Variants in WDFY2 observed in about 807,000 individuals in gnomAD.
WDFY2 encodes WD repeat and FYVE domain-containing protein 2.
WDFY2 carries 36 observed loss-of-function variants against 56.4 expected under a neutral mutation model. That is an observed-to-expected ratio of 0.64 (90% CI 0.49 to 0.84). The LOEUF is 0.84. WDFY2 is among the 40% of genes least tolerant of loss of function. WDFY2 has a pLI of 0.00. For missense variants in WDFY2, 444 were observed against 512.2 expected (o/e 0.87, Z 1.29); for synonymous variants, 176 against 183.7 (o/e 0.96, Z 0.34).
At chr13:51,597,489 C>T (rs1424373664) in intron 1 of WDFY2, among the ~76,000 whole-genome samples, 1 of 152,308 alleles carries the variant, frequency 6.6e-6, no homozygotes, top group South Asian at 2.1e-4. Context: ...GCTATAGTCA[C>T]TATTTTCAGG....
chr13:51,697,632 C>CAAAA (rs200946257), intron 3 of WDFY2, among the ~76,000 whole-genome samples: 1 of 80,140 alleles, frequency 1.2e-5, no homozygotes. Context: ...GATCCTGCCT[C>CAAAA]AAAAAAAAAA....
intron 3 of WDFY2, among the ~76,000 whole-genome samples, chr13:51,700,305 T>G (rs1010920757): frequency 3.9e-5 from 6 of 152,066 alleles, no homozygotes; most frequent in African/African-American, 4.8e-5. Flanking sequence ...GACAGCTGAA[T>G]GGAAAGAAGG....
intron 5 of WDFY2, among the ~76,000 whole-genome samples, chr13:51,725,828 G>T (rs899478543): frequency 8.6e-5 from 13 of 151,842 alleles, no homozygotes; most frequent in African/African-American, 3.1e-4. Flanking sequence ...CATGTAGCTG[G>T]AACCACAGGC....
chr13:51,678,710 G>T (rs58723167), intron 3 of WDFY2, among the ~76,000 whole-genome samples: 7,650 of 152,240 alleles, frequency 0.05, 242 homozygotes, highest in Middle Eastern at 0.085. Context: ...TTCTAACATA[G>T]TGTGGCTTCT....
Position 51,739,035 on chromosome 13 carries a change from G to C in WDFY2, c.599-14G>C. ...TACCTTGTGACTGATGTCTGGTTGT[G>C]TCTGTCCTCTCAGGTGGGGTGACCG... On this transcript the variant is annotated splice_polypyrimidine_tract_variant and intron_variant, in intron 6 of 11. Coordinates refer to ENST00000298125, the MANE Select transcript of WDFY2 (RefSeq NM_052950.4). 3 of 1,565,724 alleles carry C rather than the reference G, an allele frequency of 1.9e-6. No individual in the cohort carries two copies. The highest frequency in any genetic ancestry group is 2.6e-6 in the Non-Finnish European group (3 of 1,155,736).
chr13:51,715,198 T>C (rs903251740), intron 4 of WDFY2, among the ~76,000 whole-genome samples: 7 of 152,286 alleles, frequency 4.6e-5, no homozygotes, highest in African/African-American at 1.4e-4. Context: ...TTAAAAATAT[T>C]TTTTCAATAA....
chr13:51,698,094 C>T (rs1038301790), intron 3 of WDFY2, among the ~76,000 whole-genome samples: 14 of 152,120 alleles, frequency 9.2e-5, no homozygotes, highest in Non-Finnish European at 1.8e-4. Context: ...TTGTCAAGAT[C>T]ATTTAACAAG....
intron 1 of WDFY2, among the ~76,000 whole-genome samples, chr13:51,617,728 T>G (rs984353768): frequency 1.3e-5 from 2 of 152,196 alleles, no homozygotes; most frequent in Non-Finnish European, 2.9e-5. Flanking sequence ...CTTCTGAGAC[T>G]TTAGTAAAAT....
chr13:51,615,345 T>G, intron 1 of WDFY2, among the ~76,000 whole-genome samples: 1 of 151,890 alleles, frequency 6.6e-6, no homozygotes, highest in East Asian at 1.9e-4. Context: ...ATTAAATCAG[T>G]GCAAATTAAA....
chr13:51,603,622 CA>C (rs536607362), intron 1 of WDFY2, among the ~76,000 whole-genome samples: 115 of 152,140 alleles, frequency 7.6e-4, no homozygotes, highest in Non-Finnish European at 1.2e-3. Flanking sequence ...GGGCTGTTGT[CA>C]AGCATTGTCT....
At position 51,766,431 on chromosome 13, in the gene WDFY2, C is replaced by CT. The variant is rs901624908; in HGVS notation, c.*6669dup. The CT allele has an allele frequency of 2.6e-5, 4 of 152,260 alleles. No individual in the cohort carries two copies. The highest frequency in any genetic ancestry group is 6.5e-5 in the Admixed American group (1 of 15,296). The allele number at this position is 152,260 out of a possible 1,614,324, so 9.4% of individuals were successfully genotyped here. A position where few individuals can be genotyped will look rare whatever the true frequency, so the allele number is the denominator to read the frequency against. On this transcript the variant is annotated 3_prime_UTR_variant, in exon 12 of 12. Coordinates refer to ENST00000298125, the MANE Select transcript of WDFY2 (RefSeq NM_052950.4). Reference sequence around the variant, plus strand: ...TTACCGTATGGATATCTTTTTCTTTCTTTTTTTAAAGTGAGGAGATTCTTC... The same window carrying CT: ...TTACCGTATGGATATCTTTTTCTTTCTTTTTTTTAAAGTGAGGAGATTCTTC...
At chr13:51,635,817 C>T (rs970502990) in intron 1 of WDFY2, among the ~76,000 whole-genome samples, 6 of 152,146 alleles carry the variant, frequency 3.9e-5, no homozygotes, top group Admixed American at 2.0e-4. Context: ...AATGAATGCT[C>T]AATATGTTAT....
chr13:51,725,589 T>C (rs919731388), intron 5 of WDFY2, among the ~76,000 whole-genome samples: 1 of 152,212 alleles, frequency 6.6e-6, no homozygotes, highest in Non-Finnish European at 1.5e-5. Context: ...ACCAATTTGA[T>C]AGGTTCATTC....
intron 3 of WDFY2, among the ~76,000 whole-genome samples, chr13:51,685,211 C>T (rs1956040915): frequency 6.6e-6 from 1 of 152,208 alleles, no homozygotes; most frequent in Non-Finnish European, 1.5e-5. Context: ...AGTTGAAAGA[C>T]TCTTTGTAAG....
chr13:51,687,921 C>T (rs962534279), intron 3 of WDFY2, among the ~76,000 whole-genome samples: 2 of 151,890 alleles, frequency 1.3e-5, no homozygotes, highest in African/African-American at 2.4e-5. Flanking sequence ...AAAATGATGA[C>T]GGCTGGGGAA....
intron 4 of WDFY2, among the ~76,000 whole-genome samples, chr13:51,712,238 A>T (rs1053147449): frequency 6.6e-6 from 1 of 152,198 alleles, no homozygotes; most frequent in Non-Finnish European, 1.5e-5. Flanking sequence ...ATAGGTGGGA[A>T]TTGAACAATG....
intron 1 of WDFY2, among the ~76,000 whole-genome samples, chr13:51,641,245 A>G (rs530993193): frequency 6.6e-6 from 1 of 151,662 alleles, no homozygotes; most frequent in South Asian, 2.1e-4. Context: ...AATTCTTTGT[A>G]TTTTTAGTAG....
chr13:51,681,617 G>A (rs1027968398), intron 3 of WDFY2, among the ~76,000 whole-genome samples: 2 of 152,180 alleles, frequency 1.3e-5, no homozygotes, highest in South Asian at 2.1e-4. Context: ...TTTATACAGC[G>A]TTAAGTAGAC....
At chr13:51,681,341 C>A (rs539456999) in intron 3 of WDFY2, among the ~76,000 whole-genome samples, 1 of 152,234 alleles carries the variant, frequency 6.6e-6, no homozygotes, top group South Asian at 2.1e-4. Flanking sequence ...TCCAGGACTT[C>A]TAGTGTGATA....
Sources: allele counts gnomAD v4.1 joint callset (sites outside exome capture counted in the v4.1 genomes callset), GRCh38; gene constraint gnomAD v4.1.1; transcripts MANE v1.5; gene names NCBI Gene and HGNC (gene_info 2026-07-23, HGNC 2026-07-21).